The following MECOM variants were observed in gnomAD, a reference collection of about 807,000 sequenced individuals.
MECOM encodes the protein histone-lysine N-methyltransferase MECOM.
In MECOM, 13 loss-of-function variants were observed where a neutral mutation model predicts 116.3. That is an observed-to-expected ratio of 0.11 (90% CI 0.07 to 0.18). The LOEUF is 0.18. Ranked by LOEUF, MECOM falls within the 10% of genes least tolerant of loss-of-function variation. The pLI, the probability that MECOM is intolerant of heterozygous loss-of-function variation, is 1.00. For synonymous variants in MECOM, 528 were observed against 535.2 expected (o/e 0.99, Z 0.19); for missense variants, 1,299 against 1,509.0 (o/e 0.86, Z 2.31).
At chr3:169,120,355 A>G (rs932844598) in intron 7 of MECOM, among the ~76,000 whole-genome samples, 15 of 152,208 alleles carry the variant, frequency 9.9e-5, no homozygotes, top group Admixed American at 8.5e-4. Context: ...GAAGGATGTT[A>G]CTACAGTGCT....
chr3:169,120,858 C>G, intron 7 of MECOM, 198 bp downstream of exon 7: 1 of 456,860 alleles, frequency 2.2e-6, no homozygotes. Flanking sequence ...AAAGAAAACA[C>G]CCCAGGAATC....
chr3:169,201,765 A>T (rs1432981928), intron 2 of MECOM, among the ~76,000 whole-genome samples: 1 of 152,036 alleles, frequency 6.6e-6, no homozygotes, highest in Non-Finnish European at 1.5e-5. Context: ...ATAAACATAA[A>T]ATTTATGTAT....
intron 2 of MECOM, among the ~76,000 whole-genome samples, chr3:169,186,403 AGGGAGG>A (rs1577289383): frequency 1.0e-4 from 2 of 19,106 alleles, no homozygotes; most frequent in East Asian, 2.5e-3. Flanking sequence ...GGAGGGAGGG[AGGGAGG>A]GAGGGAGGGA....
chr3:169,205,597 C>G lies in MECOM; in HGVS notation c.376-61765G>C, dbSNP rs148649621. Among the ~76,000 whole-genome samples the G allele has an allele frequency of 1.5e-3, 235 of 152,068 alleles. 2 individuals are homozygous for G. Among genetic ancestry groups the G allele is most frequent in the African/African-American group, 5.3e-3 (221 of 41,472 alleles). On this transcript the variant is annotated intron_variant, in intron 2 of 16. Transcript: ENST00000651503. ...TTGAGACGTCAACTCTAGGATGGGT[C>G]AGAATAGAAAGAGTAAGCTGCCAGG...
At chr3:169,309,306 T>G (rs1577668976) in intron 2 of MECOM, among the ~76,000 whole-genome samples, 1 of 152,210 alleles carries the variant, frequency 6.6e-6, no homozygotes, top group African/African-American at 2.4e-5. Context: ...CAGAAGTCCA[T>G]GTGAGTATGC....
At chr3:169,112,635 G>C in intron 9 of MECOM, 152 bp downstream of exon 9, 1 of 628,540 alleles carries the variant, frequency 1.6e-6, no homozygotes, top group Non-Finnish European at 2.8e-6. Flanking sequence ...AAAGAGTTTG[G>C]GTTTTAATTC....
At chr3:169,606,790 G>C (rs1309490584) in intron 1 of MECOM, among the ~76,000 whole-genome samples, 1 of 152,090 alleles carries the variant, frequency 6.6e-6, no homozygotes, top group East Asian at 1.9e-4. Context: ...TTTCCCACCT[G>C]CAGGAAGGGA....
chr3:169,539,073 T>A (rs1759743658), intron 1 of MECOM, among the ~76,000 whole-genome samples: 1 of 151,864 alleles, frequency 6.6e-6, no homozygotes, highest in African/African-American at 2.4e-5. Flanking sequence ...AACCTCTTCA[T>A]TTATTCTTCT....
intron 1 of MECOM, among the ~76,000 whole-genome samples, chr3:169,644,960 ATTC>A (rs1220393025): frequency 6.6e-6 from 1 of 152,134 alleles, no homozygotes; most frequent in African/African-American, 2.4e-5. Flanking sequence ...GAGTAAAGCC[ATTC>A]TTCTTCGGCA....
intron 1 of MECOM, among the ~76,000 whole-genome samples, chr3:169,461,608 C>T (rs570156667): frequency 2.6e-5 from 4 of 152,220 alleles, no homozygotes; most frequent in Admixed American, 2.6e-4. Context: ...AACCAGCTCA[C>T]ACAGGTCTAA....
chr3:169,592,144 T>C (rs1252780776), intron 1 of MECOM, among the ~76,000 whole-genome samples: 2 of 152,182 alleles, frequency 1.3e-5, no homozygotes, highest in East Asian at 3.9e-4. Context: ...AGAGTCACAC[T>C]GCCAGAAACA....
chr3:169,122,708 A>G lies in MECOM; in HGVS notation c.850T>C (p.Ser284Pro). The G allele has an allele frequency of 6.2e-7, 1 of 1,613,890 alleles. No individual in the cohort carries two copies. The highest frequency in any genetic ancestry group is 8.5e-7 in the Non-Finnish European group (1 of 1,179,838). The change falls in exon 6 of 17, where the codon TCA (serine) becomes CCA (proline). Residue 284 changes from serine to proline, a missense_variant. By Grantham distance (74) the Ser-to-Pro change is moderately conservative. Around this residue, in one of 6 missense-constraint regions of MECOM, gnomAD observed 374 missense variants for 433.4 expected, o/e 0.86. Coordinates refer to ENST00000651503, the MANE Select transcript of MECOM (RefSeq NM_004991.4). ...DLQSLEKHML[S>P]HTEEREYKCD... The stretch of plus-strand genomic sequence containing the variant: ...TTGTATTCCCTCTCTTCAGTATGTG[A>G]CAGCATGTGTTTCTCCAGGCTGTTA...
At chr3:169,457,555 A>C (rs1375173536) in intron 1 of MECOM, among the ~76,000 whole-genome samples, 1 of 152,230 alleles carries the variant, frequency 6.6e-6, no homozygotes, top group East Asian at 1.9e-4. Flanking sequence ...GAAACAGAAC[A>C]TACATAAAAG....
rs532439405 is a variant in MECOM at position 169,580,373 on chromosome 3, G to A, written c.37+82963C>T. ...TGTGTAGTGTTTGGGTACTGCTACT[G>A]CCACATCACAATATCCAGGATGCCT... is the stretch of plus-strand genomic sequence containing the variant. On this transcript the variant is annotated intron_variant, in intron 1 of 16. Transcript: ENST00000651503. 2.6e-5 allele frequency among the ~76,000 whole-genome samples: 4 copies of A among 152,270 alleles called. No homozygotes were observed. In the South Asian group the frequency reaches 8.3e-4, roughly 32 times the overall value.
Position 169,381,496 on chromosome 3 carries a change from A to C in MECOM, c.66T>G (p.Pro22=), listed in dbSNP as rs745800387. Residue 22 remains proline, a synonymous_variant, in exon 2 of 17, where the codon CCT becomes CCG. Coordinates refer to ENST00000651503, the MANE Select transcript of MECOM (RefSeq NM_004991.4). ...TNNECVYGNY[P]EIPLEEMPDA... is the part of the protein sequence containing the mutation. ...CTGGCATTTCTTCCAAAGGTATTTC[A>C]GGGTAGTTGCCATATACACACTCAT... The C allele has an allele frequency of 1.6e-5, 26 of 1,611,530 alleles. No homozygotes were observed. Among genetic ancestry groups the C allele is most frequent in the Middle Eastern group, 3.3e-4 (2 of 6,070 alleles).
intron 1 of MECOM, among the ~76,000 whole-genome samples, chr3:169,490,033 G>C (rs758375400): frequency 3.3e-5 from 5 of 152,082 alleles, no homozygotes; most frequent in Non-Finnish European, 5.9e-5. Flanking sequence ...AAAAAAGAAA[G>C]CCTGTAAAGA....
intron 2 of MECOM, among the ~76,000 whole-genome samples, chr3:169,321,961 A>G (rs1022079664): frequency 5.3e-5 from 8 of 152,200 alleles, no homozygotes; most frequent in Non-Finnish European, 1.0e-4. Context: ...CCAGTTTCTG[A>G]GGCTGTCCTT....
intron 1 of MECOM, among the ~76,000 whole-genome samples, chr3:169,502,510 C>T (rs1560363641): frequency 6.6e-6 from 1 of 152,052 alleles, no homozygotes; most frequent in Non-Finnish European, 1.5e-5. Flanking sequence ...CTGTTGACTG[C>T]AACCAGAGAC....
chr3:169,294,884 T>C (rs1041577156), intron 2 of MECOM, among the ~76,000 whole-genome samples: 3 of 152,154 alleles, frequency 2.0e-5, no homozygotes, highest in Non-Finnish European at 4.4e-5. Context: ...CTCTTGCCCA[T>C]GCCTGCTTCA....
Sources: gnomAD v4.1 joint callset for allele counts (sites outside exome capture counted in the v4.1 genomes callset) on GRCh38, gnomAD v4.1.1 for gene constraint, gnomAD v4.1.1 regional missense constraint, MANE v1.5 for transcripts, NCBI Gene and HGNC (gene_info 2026-07-23, HGNC 2026-07-21) for gene names.